COL14A1: variants seen among roughly 807,000 people sequenced by gnomAD.
COL14A1 encodes the protein collagen alpha-1(XIV) chain.
A neutral mutation model predicts 230.3 loss-of-function variants in COL14A1; 136 were observed. The ratio of observed to expected loss-of-function variants is 0.59; its 90% CI spans 0.51 to 0.68. The LOEUF is 0.68. Ranked by LOEUF, COL14A1 falls within the 30% of genes least tolerant of loss-of-function variation. COL14A1 has a pLI of 0.00. For missense variants in COL14A1, 1,976 were observed against 2,215.8 expected, an observed-to-expected ratio of 0.89 and a Z score of 2.17; for synonymous variants, 792 against 784.1, an observed-to-expected ratio of 1.01 and a Z score of -0.17.
intron 43 of COL14A1, among the ~76,000 whole-genome samples, chr8:120,341,628 A>G (rs1822301467): frequency 2.0e-5 from 3 of 152,214 alleles, no homozygotes; most frequent in African/African-American, 7.2e-5. Flanking sequence ...TAAGGATAAA[A>G]TGGAGAGAAT....
At chr8:120,158,944 T>A (rs1815569292) in intron 3 of COL14A1, among the ~76,000 whole-genome samples, 1 of 152,128 alleles carries the variant, frequency 6.6e-6, no homozygotes, top group Admixed American at 6.5e-5. Context: ...GCTACATGGT[T>A]GTTATGAAGA....
chr8:120,355,861 A>T (rs1370618049), intron 45 of COL14A1, among the ~76,000 whole-genome samples: 1 of 152,234 alleles, frequency 6.6e-6, no homozygotes, highest in African/African-American at 2.4e-5. Context: ...GCTGGAATTT[A>T]TATCTGGTTT....
At chr8:120,134,931 C>T (rs1261984035) in intron 1 of COL14A1, among the ~76,000 whole-genome samples, 3 of 152,124 alleles carry the variant, frequency 2.0e-5, no homozygotes, top group Non-Finnish European at 2.9e-5. Flanking sequence ...GCCAAGATTG[C>T]ACCACTGCAC....
Position 120,255,273 on chromosome 8 carries a change from A to T in COL14A1, c.2786A>T (p.His929Leu). Residue 929 changes from histidine (H) to leucine (L), a missense_variant, in exon 23 of 48, where the codon CAT (histidine) becomes CTT (leucine). His to Leu is a moderately conservative substitution (Grantham distance 99). Transcript: ENST00000297848. ...FLGVTNLQAKHVEMTSLCAHW... is the reference protein window; with the variant it reads ...FLGVTNLQAKLVEMTSLCAHW... ...GGTGTTACCAATCTCCAAGCCAAACATGTTGAAATGACCAGCTTGTGTGCC... is the reference window on the plus strand; with the variant it reads ...GGTGTTACCAATCTCCAAGCCAAACTTGTTGAAATGACCAGCTTGTGTGCC... The T allele has an allele frequency of 6.2e-7, 1 of 1,614,180 alleles. No homozygotes were observed. The highest frequency in any genetic ancestry group is 8.5e-7 in the Non-Finnish European group (1 of 1,179,994).
At chr8:120,149,687 ATTT>A (rs11300699) in intron 2 of COL14A1, among the ~76,000 whole-genome samples, 9 of 125,668 alleles carry the variant, frequency 7.2e-5, no homozygotes, top group Non-Finnish European at 8.4e-5. Flanking sequence ...CTGTTTTTTC[ATTT>A]TTTTTTTTTT....
intron 2 of COL14A1, among the ~76,000 whole-genome samples, chr8:120,157,789 GC>G: frequency 6.6e-6 from 1 of 151,998 alleles, no homozygotes; most frequent in Non-Finnish European, 1.5e-5. Context: ...TTCAAGACCA[GC>G]CTGGCCAAGA....
chr8:120,348,106 G>A (rs1437556975), intron 45 of COL14A1, among the ~76,000 whole-genome samples: 2 of 151,466 alleles, frequency 1.3e-5, no homozygotes, highest in Non-Finnish European at 2.9e-5. Flanking sequence ...CAATTCGCAA[G>A]TGCAAAAACG....
rs1047019393 is a variant in COL14A1, at chr8:120,349,734, T to C, written c.5077+4171T>C. ...AAAGCCTCCAAGAAATATGGGACTA[T>C]GTGAAAAGACCAAATCTACATCTGA... On this transcript the variant is annotated intron_variant, in intron 45 of 47. Coordinates refer to ENST00000297848, the MANE Select transcript of COL14A1 (RefSeq NM_021110.4). 1.5e-4 allele frequency among the ~76,000 whole-genome samples: 18 copies of C among 122,158 alleles called. 1 individual carries two copies. Among genetic ancestry groups the C allele is most frequent in the South Asian group, 7.9e-4 (3 of 3,790 alleles). The allele number at this position is 122,158 out of a possible 152,430, so 80.1% of individuals were successfully genotyped here. A position where few individuals can be genotyped will look rare whatever the true frequency, so the allele number is the denominator to read the frequency against.
At chr8:120,268,900 C>T (rs773517322) in intron 25 of COL14A1, among the ~76,000 whole-genome samples, 13 of 151,662 alleles carry the variant, frequency 8.6e-5, no homozygotes, top group Non-Finnish European at 1.9e-4. Context: ...TGTTTATAAA[C>T]TCATAATTAG....
chr8:120,338,932 A>G (rs1179718721), intron 42 of COL14A1, among the ~76,000 whole-genome samples: 1 of 152,214 alleles, frequency 6.6e-6, no homozygotes, highest in African/African-American at 2.4e-5. Flanking sequence ...GTGAAGCCTA[A>G]GAAATGAGGG....
intron 35 of COL14A1, among the ~76,000 whole-genome samples, chr8:120,300,242 C>T (rs1427654511): frequency 6.6e-6 from 1 of 152,144 alleles, no homozygotes; most frequent in Non-Finnish European, 1.5e-5. Context: ...TGGAAATTGT[C>T]ATAGGGAATT....
intron 19 of COL14A1, 88 bp downstream of exon 19, chr8:120,231,706 C>A: frequency 7.5e-7 from 1 of 1,333,198 alleles, no homozygotes; most frequent in Non-Finnish European, 1.0e-6. Context: ...GCAAACTTTA[C>A]TGCTCTTTTC....
chr8:120,314,268 A>G (rs745362893), intron 38 of COL14A1, among the ~76,000 whole-genome samples: 3 of 152,220 alleles, frequency 2.0e-5, no homozygotes, highest in Admixed American at 6.5e-5. Flanking sequence ...CATTGTGTCT[A>G]TAGAGGAAGA....
At chr8:120,208,504 A>G (rs1356957774) in intron 11 of COL14A1, 143 bp downstream of exon 11, 9 of 913,412 alleles carry the variant, frequency 9.9e-6, no homozygotes, top group Non-Finnish European at 8.0e-6. Flanking sequence ...TTGTCGTGCT[A>G]TATGTGATAC....
At chr8:120,250,036 C>G (rs1490832926) in intron 21 of COL14A1, among the ~76,000 whole-genome samples, 1 of 152,058 alleles carries the variant, frequency 6.6e-6, no homozygotes, top group Non-Finnish European at 1.5e-5. Flanking sequence ...TTAAAGACCC[C>G]ACTAGATTGA....
At chr8:120,297,781 C>G (rs1820572838) in intron 35 of COL14A1, among the ~76,000 whole-genome samples, 193 bp downstream of exon 35, 1 of 152,004 alleles carries the variant, frequency 6.6e-6, no homozygotes, top group African/African-American at 2.4e-5. Flanking sequence ...ACAGCGTGAA[C>G]TGCCCAACTC....
rs111681773 is a variant in COL14A1, at chr8:120,345,539, G to A, written c.5053G>A (p.Val1685Met). Residue 1685 changes from valine to methionine, a missense_variant, in exon 45 of 48, where the codon GTG (valine) becomes ATG (methionine). Around this residue, in one of 3 missense-constraint regions of COL14A1, gnomAD observed 1,791 missense variants for 2,019.5 expected, o/e 0.89. Transcript: ENST00000297848. Reference protein sequence around the residue: ...GTPGFPGNAGVPGTPGERGLT... With the variant: ...GTPGFPGNAGMPGTPGERGLT... Reference sequence around the variant, plus strand: ...ACCAGGCTTCCCCGGAAATGCAGGCGTGCCAGGGACCCCAGGAGAACGAGG... The same window carrying A: ...ACCAGGCTTCCCCGGAAATGCAGGCATGCCAGGGACCCCAGGAGAACGAGG... 4.7e-4 allele frequency: 731 copies of A among 1,562,734 alleles called. 3 individuals are homozygous for A. The highest frequency in any genetic ancestry group is 5.1e-4 in the South Asian group (42 of 82,780).
At chr8:120,164,944 A>T (rs1038092267) in intron 4 of COL14A1, among the ~76,000 whole-genome samples, 1 of 152,200 alleles carries the variant, frequency 6.6e-6, no homozygotes, top group African/African-American at 2.4e-5. Context: ...GAGTCATATA[A>T]ATCTTCCCAG....
chr8:120,297,202 G>A (rs1187702955), intron 34 of COL14A1, among the ~76,000 whole-genome samples: 1 of 151,936 alleles, frequency 6.6e-6, no homozygotes, highest in African/African-American at 2.4e-5. Context: ...TTTGGGAGCA[G>A]CTGTGATGGG....
Sources: allele counts gnomAD v4.1 joint callset (sites outside exome capture counted in the v4.1 genomes callset), GRCh38; gene constraint gnomAD v4.1.1; regional missense constraint gnomAD v4.1.1; transcripts MANE v1.5; gene names NCBI Gene and HGNC (gene_info 2026-07-23, HGNC 2026-07-21).